SCARB1: variants seen among roughly 807,000 people sequenced by gnomAD.
The protein encoded by SCARB1 is scavenger receptor class B member 1.
A neutral mutation model predicts 57.2 loss-of-function variants in SCARB1; 30 were observed. The observed-to-expected ratio is 0.52, with a 90% CI of 0.39 to 0.71. SCARB1 has a LOEUF of 0.71. Among genes scored for constraint, SCARB1 ranks in the 30% least tolerant of loss-of-function variants. The pLI, the probability that SCARB1 is intolerant of heterozygous loss-of-function variation, is 0.00. For synonymous variants in SCARB1, 249 were observed against 268.3 expected (o/e 0.93, Z 0.70); for missense variants, 543 against 671.2 (o/e 0.81, Z 2.11).
In SCARB1 at chr12:124,863,800, A is replaced by C; in HGVS notation, c.-80T>G. On this transcript the variant is annotated 5_prime_UTR_variant, in exon 1 of 13. Coordinates refer to ENST00000261693, the MANE Select transcript of SCARB1 (RefSeq NM_005505.5). ...ACGGGGACGGCGACAGAGACGACAC[A>C]GGCGGGGACTCCGGGCACGCAGGCC... 1 of 1,368,720 alleles carries C rather than the reference A, an allele frequency of 7.3e-7. No individual in the cohort carries two copies. The highest frequency in any genetic ancestry group is 3.8e-5 in the Admixed American group (1 of 26,598). 84.8% of individuals were successfully genotyped at this position (1,368,720 alleles called of 1,614,324 possible).
chr12:124,791,091 C>A (rs1423334750), intron 9 of SCARB1, among the ~76,000 whole-genome samples: 1 of 152,228 alleles, frequency 6.6e-6, no homozygotes, highest in Non-Finnish European at 1.5e-5. Flanking sequence ...GTCTCTCTAG[C>A]GGGCTTCCCT....
At chr12:124,819,487 A>T (rs1420124516) in intron 1 of SCARB1, among the ~76,000 whole-genome samples, 9 of 152,346 alleles carry the variant, frequency 5.9e-5, no homozygotes, top group Admixed American at 3.9e-4. Flanking sequence ...CTCCTCTGCC[A>T]GCTTTCCTCC....
At chr12:124,837,234 T>A (rs1007826494) in intron 1 of SCARB1, among the ~76,000 whole-genome samples, 3 of 152,158 alleles carry the variant, frequency 2.0e-5, no homozygotes, top group African/African-American at 7.2e-5. Flanking sequence ...AGACAGTGAA[T>A]ATGCCTTCTT....
chr12:124,816,024 C>T (rs1950700310), intron 2 of SCARB1, among the ~76,000 whole-genome samples: 1 of 149,760 alleles, frequency 6.7e-6, no homozygotes, highest in Non-Finnish European at 1.5e-5. Flanking sequence ...GCCGCACAGG[C>T]CTCTGTCCCA....
chr12:124,863,504 G>A, intron 1 of SCARB1, 91 bp downstream of exon 1: 3 of 1,408,782 alleles, frequency 2.1e-6, no homozygotes, highest in Non-Finnish European at 2.9e-6. Flanking sequence ...CGCTGCGGTC[G>A]CCCACCCACC....
At chr12:124,818,646 A>G (rs1950830098) in intron 1 of SCARB1, among the ~76,000 whole-genome samples, 1 of 147,976 alleles carries the variant, frequency 6.8e-6, no homozygotes. Context: ...TTGTATTTTT[A>G]TTTTATTTTA....
At chr12:124,778,713 G>T in intron 12 of SCARB1, 127 bp from the exon 13 acceptor site, 1 of 972,806 alleles carries the variant, frequency 1.0e-6, no homozygotes, top group Non-Finnish European at 1.3e-6. Context: ...CAGGCTGTCA[G>T]AAGTGAGAAG....
intron 8 of SCARB1, among the ~76,000 whole-genome samples, chr12:124,797,845 C>G (rs1408252960): frequency 6.6e-6 from 1 of 152,204 alleles, no homozygotes; most frequent in Non-Finnish European, 1.5e-5. Context: ...GAACAGCATC[C>G]GCCATGGAGC....
intron 11 of SCARB1, chr12:124,785,754 A>G: frequency 2.9e-6 from 1 of 350,792 alleles, no homozygotes; most frequent in Non-Finnish European, 5.2e-6. Flanking sequence ...AATACTTTGC[A>G]TATATTTGGG....
intron 1 of SCARB1, chr12:124,821,399 G>A: frequency 1.0e-6 from 1 of 985,266 alleles, no homozygotes; most frequent in Non-Finnish European, 1.2e-6. Context: ...CTCCTCCCCT[G>A]GCCGCTTGGC....
chr12:124,846,644 T>C (rs772837221), intron 1 of SCARB1, among the ~76,000 whole-genome samples: 1 of 140,948 alleles, frequency 7.1e-6, no homozygotes, highest in Non-Finnish European at 1.5e-5. Context: ...GGCAGGAGAA[T>C]TGCTTGAACC....
intron 11 of SCARB1, chr12:124,783,152 G>A (rs1302762056): frequency 2.0e-5 from 6 of 296,610 alleles, no homozygotes; most frequent in Admixed American, 1.9e-4. Flanking sequence ...AAATCAACGA[G>A]GAACAGATTG....
intron 1 of SCARB1, among the ~76,000 whole-genome samples, chr12:124,838,731 T>C (rs896616270): frequency 6.6e-6 from 1 of 151,794 alleles, no homozygotes; most frequent in African/African-American, 2.4e-5. Context: ...CCTGCCACAG[T>C]TTTTAATTTT....
At chr12:124,842,848 G>C (rs1427228048) in intron 1 of SCARB1, among the ~76,000 whole-genome samples, 1 of 152,232 alleles carries the variant, frequency 6.6e-6, no homozygotes, top group Non-Finnish European at 1.5e-5. Context: ...GGATGAGGAT[G>C]GGTTCTGTGC....
chr12:124,788,241 T>C (rs2135548455), intron 9 of SCARB1, among the ~76,000 whole-genome samples: 1 of 152,274 alleles, frequency 6.6e-6, no homozygotes, highest in East Asian at 1.9e-4. Flanking sequence ...AACTAAAAAC[T>C]CACATCTCCT....
At chr12:124,862,152 A>G (rs1232108740) in intron 1 of SCARB1, among the ~76,000 whole-genome samples, 1 of 152,202 alleles carries the variant, frequency 6.6e-6, no homozygotes, top group Non-Finnish European at 1.5e-5. Flanking sequence ...CACACGTTTC[A>G]GTATGAGTAG....
chr12:124,785,933 T>A (rs1454410763), intron 11 of SCARB1: 4 of 843,668 alleles, frequency 4.7e-6, no homozygotes, highest in Admixed American at 5.9e-5. Flanking sequence ...TTTACTTGGT[T>A]TTCATCTGTC....
At chr12:124,823,577 T>C (rs1283700342) in intron 1 of SCARB1, among the ~76,000 whole-genome samples, 1 of 152,122 alleles carries the variant, frequency 6.6e-6, no homozygotes, top group Non-Finnish European at 1.5e-5. Context: ...TGACCGTTCC[T>C]CAAACGATCA....
chr12:124,819,003 T>A (rs1190142302), intron 1 of SCARB1, among the ~76,000 whole-genome samples: 1 of 151,812 alleles, frequency 6.6e-6, no homozygotes, highest in African/African-American at 2.4e-5. Context: ...GCTGCACACC[T>A]GTAGTCCCAG....
Sources: allele counts gnomAD v4.1 joint callset (sites outside exome capture counted in the v4.1 genomes callset), GRCh38; gene constraint gnomAD v4.1.1; transcripts MANE v1.5; gene names NCBI Gene and HGNC (gene_info 2026-07-23, HGNC 2026-07-21).